RASGEF1C: variants seen among roughly 807,000 people sequenced by gnomAD.
The protein encoded by RASGEF1C is RasGEF domain family member 1C, also known as ras-GEF domain-containing family member 1C.
A neutral mutation model predicts 58.1 loss-of-function variants in RASGEF1C; 27 were observed. The observed-to-expected ratio is 0.46, with a 90% CI of 0.34 to 0.64. The LOEUF is 0.64. Ranked by LOEUF, RASGEF1C falls within the 30% of genes least tolerant of loss-of-function variation. The pLI is 0.01. For synonymous variants in RASGEF1C, 243 were observed against 246.3 expected (o/e 0.99, Z 0.13); for missense variants, 502 against 605.1 (o/e 0.83, Z 1.79).
intron 1 of RASGEF1C, among the ~76,000 whole-genome samples, chr5:180,139,931 C>A (rs1433594444): frequency 6.6e-6 from 1 of 152,196 alleles, no homozygotes; most frequent in Admixed American, 6.5e-5. Context: ...TGCCCCAGAT[C>A]CCAGCCCCAT....
chr5:180,136,852 C>T, intron 3 of RASGEF1C: 1 of 316,862 alleles, frequency 3.2e-6, no homozygotes, highest in Non-Finnish European at 5.9e-6. Flanking sequence ...CCAATCAGAG[C>T]AGGCATACGC....
At chr5:180,121,520 A>G (rs982579901) in intron 6 of RASGEF1C, among the ~76,000 whole-genome samples, 4 of 152,054 alleles carry the variant, frequency 2.6e-5, no homozygotes, top group East Asian at 1.9e-4. Flanking sequence ...TCACTGTGTT[A>G]GCCAGGATGG....
chr5:180,184,615 GAGATTTTC>G (rs1488002009), intron 1 of RASGEF1C, among the ~76,000 whole-genome samples: 1 of 152,140 alleles, frequency 6.6e-6, no homozygotes, highest in Non-Finnish European at 1.5e-5. Context: ...ATAAAAGGCA[GAGATTTTC>G]AGATTGGATA....
chr5:180,167,810 C>G (rs1006307858), intron 1 of RASGEF1C, among the ~76,000 whole-genome samples: 20 of 152,220 alleles, frequency 1.3e-4, no homozygotes, highest in Non-Finnish European at 2.6e-4. Flanking sequence ...ATTTTGAATA[C>G]TATGCTATGG....
chr5:180,199,154 T>G (rs1323618060), intron 1 of RASGEF1C, among the ~76,000 whole-genome samples: 4 of 152,196 alleles, frequency 2.6e-5, no homozygotes, highest in Non-Finnish European at 5.9e-5. Context: ...AGGGGGTGCC[T>G]TTCTCCTAGA....
intron 1 of RASGEF1C, among the ~76,000 whole-genome samples, chr5:180,207,338 G>T (rs1012944051): frequency 1.5e-4 from 23 of 152,348 alleles, no homozygotes; most frequent in Admixed American, 1.1e-3. Flanking sequence ...GTAAAAAAGG[G>T]GCCTTGGCTT....
intron 1 of RASGEF1C, among the ~76,000 whole-genome samples, chr5:180,169,800 G>T: frequency 1.1e-5 from 1 of 90,246 alleles, no homozygotes; most frequent in East Asian, 2.3e-4. Context: ...CCGACCCCAT[G>T]GGGCTCCAAG....
chr5:180,122,540 G>T (rs1027327482), intron 6 of RASGEF1C, among the ~76,000 whole-genome samples: 1 of 151,962 alleles, frequency 6.6e-6, no homozygotes, highest in Non-Finnish European at 1.5e-5. Context: ...CAGGAGTTCA[G>T]GAACAGCCTG....
intron 11 of RASGEF1C, 66 bp from the exon 12 acceptor site, chr5:180,111,646 G>A (rs1243770792): frequency 5.5e-5 from 88 of 1,588,614 alleles, no homozygotes; most frequent in Non-Finnish European, 7.4e-5. Flanking sequence ...TGAGGGGGAG[G>A]GGCTGGTCCT....
chr5:180,101,612 T>C lies in RASGEF1C; in HGVS notation c.1377-87A>G, dbSNP rs1765786314. ...CTCTCCAGCACAGCCACTTTCTCAG[T>C]GCGCTGAGGAGAGCCAGCCTCCTGC... On this transcript the variant is annotated intron_variant, in intron 13 of 13. Transcript: ENST00000361132. 40 of 1,520,528 alleles carry C rather than the reference T, an allele frequency of 2.6e-5. No homozygotes were observed. In the East Asian group the frequency reaches 9.0e-4, roughly 34 times the overall value. 94.2% of individuals were successfully genotyped at this position (1,520,528 alleles called of 1,614,324 possible).
At chr5:180,140,803 A>T (rs1766566067) in intron 1 of RASGEF1C, among the ~76,000 whole-genome samples, 2 of 152,256 alleles carry the variant, frequency 1.3e-5, no homozygotes, top group Admixed American at 1.3e-4. Context: ...GGCAGGATGC[A>T]ATCGGCAGAG....
intron 1 of RASGEF1C, among the ~76,000 whole-genome samples, chr5:180,176,970 C>T (rs1386529350): frequency 6.6e-6 from 1 of 152,182 alleles, no homozygotes; most frequent in Non-Finnish European, 1.5e-5. Context: ...GCCCATGTCT[C>T]CCCCTGGCAT....
At position 180,114,481 on chromosome 5, in the gene RASGEF1C, C is replaced by T. The variant is rs567856268; in HGVS notation, c.1144G>A (p.Ala382Thr). The T allele has an allele frequency of 8.2e-5, 133 of 1,612,850 alleles. 3 individuals carry two copies. The highest frequency in any genetic ancestry group is 6.7e-4 in the South Asian group (61 of 91,022). Residue 382 changes from alanine (A) to threonine (T), a missense_variant, in exon 11 of 14, where the codon GCC becomes ACC. Physicochemically the swap from Ala to Thr is moderately conservative, Grantham distance 58. Transcript: ENST00000361132. ...KDIYFLNEGC[A>T]NRLPNGHVNF... Reference sequence around the variant, plus strand: ...ACGTGTCCATTGGGAAGGCGGTTGGCGCAGCCCTCATTCAGGAAGTAGATG... The same window carrying T: ...ACGTGTCCATTGGGAAGGCGGTTGGTGCAGCCCTCATTCAGGAAGTAGATG...
At chr5:180,116,909 G>A (rs566632825) in intron 10 of RASGEF1C, among the ~76,000 whole-genome samples, 16 of 152,362 alleles carry the variant, frequency 1.1e-4, no homozygotes, top group Admixed American at 9.8e-4. Flanking sequence ...TCCTGGCTCC[G>A]CCACCTACCT....
At chr5:180,162,222 CACG>C (rs1336876964) in intron 1 of RASGEF1C, among the ~76,000 whole-genome samples, 2 of 152,234 alleles carry the variant, frequency 1.3e-5, no homozygotes, top group Middle Eastern at 3.2e-3. Flanking sequence ...CGCTGAAAAT[CACG>C]ACATTGTCTG....
chr5:180,196,323 A>G (rs1206403710), intron 1 of RASGEF1C, among the ~76,000 whole-genome samples: 4 of 152,062 alleles, frequency 2.6e-5, no homozygotes, highest in African/African-American at 9.7e-5. Context: ...AACATGGTGA[A>G]ACCCCATCTC....
At chr5:180,203,801 C>T (rs556486760) in intron 1 of RASGEF1C, among the ~76,000 whole-genome samples, 1 of 152,218 alleles carries the variant, frequency 6.6e-6, no homozygotes, top group Non-Finnish European at 1.5e-5. Context: ...TCGAGACCAG[C>T]CTGGCCAACA....
chr5:180,150,627 C>G (rs548204633), intron 1 of RASGEF1C, among the ~76,000 whole-genome samples: 1 of 151,964 alleles, frequency 6.6e-6, no homozygotes, highest in Admixed American at 6.6e-5. Flanking sequence ...GTCAGGAGTT[C>G]GAGACCAGCC....
At position 180,159,295 on chromosome 5, in the gene RASGEF1C, A is replaced by G. The variant is rs968836775; in HGVS notation, c.-6-21237T>C. 7.9e-5 allele frequency among the ~76,000 whole-genome samples: 12 copies of G among 151,544 alleles called. 1 individual carries two copies. Among genetic ancestry groups the G allele is most frequent in the African/African-American group, 2.9e-4 (12 of 41,186 alleles). On this transcript the variant is annotated intron_variant, in intron 1 of 13. Transcript: ENST00000361132. ...GCTGGGAGTACAGGCGTGCACCACC[A>G]CGCCCGGCTAATTTTTTGTATTTGA...
Sources: allele counts gnomAD v4.1 joint callset (sites outside exome capture counted in the v4.1 genomes callset), GRCh38; gene constraint gnomAD v4.1.1; transcripts MANE v1.5; gene names NCBI Gene and HGNC (gene_info 2026-07-23, HGNC 2026-07-21).